The following HUWE1 variants were observed in gnomAD, a reference collection of about 807,000 sequenced individuals.
HUWE1 encodes the protein E3 ubiquitin-protein ligase HUWE1.
A neutral mutation model predicts 299.4 loss-of-function variants in HUWE1; 18 were observed. The observed-to-expected ratio is 0.06, with a 90% CI of 0.04 to 0.09. HUWE1 has a LOEUF of 0.09. Among genes scored for constraint, HUWE1 ranks in the 10% least tolerant of loss-of-function variants. The probability of loss-of-function intolerance (pLI) is 1.00; values close to 1 mark genes in which losing one functional copy is unlikely to be tolerated. For synonymous variants in HUWE1, 1,317 were observed against 1,286.1 expected (o/e 1.02, Z -0.51); for missense variants, 1,832 against 3,462.3 (o/e 0.53, Z 11.82).
chrX:53,538,058 G>A (rs1422370626), intron 77 of HUWE1, among the ~76,000 whole-genome samples: 9 of 111,779 alleles, frequency 8.1e-5, no homozygotes, highest in African/African-American at 2.9e-4. Flanking sequence ...TGTGCCTCCT[G>A]TACTACCCCC....
At chrX:53,630,838 A>G in intron 12 of HUWE1, 97 bp downstream of exon 12, 8 of 548,197 alleles carry the variant, frequency 1.5e-5, no homozygotes, top group Admixed American at 2.5e-5. Flanking sequence ...CTAGGTAACT[A>G]TAATAGGACT....
At chrX:53,550,523 C>A (rs782076620) in intron 66 of HUWE1, 143 bp downstream of exon 66, 40 of 560,646 alleles carry the variant, frequency 7.1e-5, no homozygotes, top group Admixed American at 5.5e-4. Flanking sequence ...AAAGATCTGG[C>A]TCTCTCACTT....
Position 53,615,822 on chromosome X carries a change from G to A in HUWE1, c.1971C>T (p.Ser657=). The A allele has an allele frequency of 8.3e-7, 1 of 1,203,936 alleles. No homozygotes were observed. Among genetic ancestry groups the A allele is most frequent in the Non-Finnish European group, 1.1e-6 (1 of 888,638 alleles). The change falls in exon 22 of 84, where the codon TCC becomes TCT. Residue 657 remains serine, a synonymous_variant. Coordinates refer to ENST00000262854, the MANE Select transcript of HUWE1 (RefSeq NM_031407.7). ...RSSDPLGDTA[S]NLGSAVDELM... ...GCTCATCGACAGCACTCCCCAGGTT[G>A]GATGCAGTATCCCCTTAAGGCAAAA...
intron 43 of HUWE1, chrX:53,579,857 C>T (rs1470295632): frequency 2.0e-5 from 2 of 98,432 alleles, no homozygotes; most frequent in African/African-American, 7.4e-5. Flanking sequence ...GACCTTTGTT[C>T]ACTTGTTTAT....
rs1490666133 is a variant in HUWE1, at chrX:53,603,267, T to C, written c.2876+101A>G. On this transcript the variant is annotated intron_variant, in intron 27 of 83. Transcript: ENST00000262854. ...GGGAAGAGGGAAGGACAAGGAGGCC[T>C]CTGAACTCTCTTCCATACCCTCCTA... 1.1e-5 allele frequency: 9 copies of C among 846,715 alleles called. No homozygotes were observed. In the African/African-American group the frequency reaches 1.6e-4, roughly 15 times the overall value. 69.8% of individuals were successfully genotyped at this position (846,715 alleles called of 1,213,427 possible).
At chrX:53,559,328 C>T in intron 57 of HUWE1, 26 bp downstream of exon 57, 1 of 1,195,110 alleles carries the variant, frequency 8.4e-7, no homozygotes, top group Middle Eastern at 2.3e-4. Flanking sequence ...ACAAATTCTA[C>T]CCTCCCTTTC....
At chrX:53,552,530 G>A in intron 62 of HUWE1, 89 bp from the exon 63 acceptor site, 4 of 1,200,286 alleles carry the variant, frequency 3.3e-6, no homozygotes, top group Non-Finnish European at 4.5e-6. Flanking sequence ...ACAGAAACCA[G>A]CTTTATCTCC....
intron 28 of HUWE1, among the ~76,000 whole-genome samples, chrX:53,600,730 T>C (rs782433414): frequency 5.3e-5 from 6 of 112,686 alleles, no homozygotes; most frequent in Non-Finnish European, 1.9e-5. Context: ...TTAAGAATTA[T>C]GTATATGAAT....
chrX:53,656,708 G>T (rs1271870245), intron 3 of HUWE1, among the ~76,000 whole-genome samples: 2 of 110,838 alleles, frequency 1.8e-5, no homozygotes, highest in Non-Finnish European at 3.8e-5. Context: ...TTATTCTAAA[G>T]TGTATATGTT....
At chrX:53,643,747 G>T (rs1193509723) in intron 7 of HUWE1, among the ~76,000 whole-genome samples, 1 of 112,167 alleles carries the variant, frequency 8.9e-6, no homozygotes, top group African/African-American at 3.2e-5. Context: ...GCTTTTACTA[G>T]TTATAATAAT....
intron 43 of HUWE1, among the ~76,000 whole-genome samples, chrX:53,577,322 A>G (rs782160063): frequency 1.8e-5 from 2 of 110,203 alleles, no homozygotes; most frequent in African/African-American, 6.6e-5. Context: ...TTGTTAATTC[A>G]ACAAACCTCA....
At position 53,654,255 on chromosome X, in the gene HUWE1, T is replaced by C. The variant is rs190098084; in HGVS notation, c.-24-124A>G. ...AATGCTTAAAGTAAAAACACTGGAG[T>C]TATGATGCTATGCCAACTCAGAGGC... On this transcript the variant is annotated intron_variant, in intron 3 of 83. Transcript: ENST00000262854. 2,134 of 495,540 alleles carry C rather than the reference T, an allele frequency of 4.3e-3. 8 individuals are homozygous for C. The highest frequency in any genetic ancestry group is 5.6e-3 in the Middle Eastern group (12 of 2,147). The allele number at this position is 495,540 out of a possible 1,213,427, so 40.8% of individuals were successfully genotyped here.
rs190602472 is a variant in HUWE1 at position 53,623,626 on chromosome X, T to A, written c.1672+969A>T. Reference sequence around the variant, plus strand: ...TTTCTATCCAGCACTGTATCAGAAATCTTTGCTAATGTCATAAGACAAAAA... The same window carrying A: ...TTTCTATCCAGCACTGTATCAGAAAACTTTGCTAATGTCATAAGACAAAAA... On this transcript the variant is annotated intron_variant, in intron 19 of 83. Transcript: ENST00000262854. Among the ~76,000 whole-genome samples the A allele has an allele frequency of 1.3e-4, 15 of 111,674 alleles. No individual in the cohort carries two copies. The East Asian group carries it at 3.4e-3, about 25-fold the overall frequency.
intron 26 of HUWE1, among the ~76,000 whole-genome samples, chrX:53,603,968 T>C (rs1422885434): frequency 8.9e-6 from 1 of 112,217 alleles, no homozygotes; most frequent in Non-Finnish European, 1.9e-5. Context: ...TAATTTAATT[T>C]TCTAAATCCT....
intron 3 of HUWE1, among the ~76,000 whole-genome samples, chrX:53,667,504 T>C (rs1557048021): frequency 9.1e-6 from 1 of 109,419 alleles, no homozygotes; most frequent in Non-Finnish European, 1.9e-5. Context: ...GCCCGTTTTA[T>C]AATAAATGTT....
intron 23 of HUWE1, among the ~76,000 whole-genome samples, chrX:53,610,890 A>G (rs1372021057): frequency 2.7e-5 from 3 of 111,710 alleles, no homozygotes; most frequent in Non-Finnish European, 5.6e-5. Flanking sequence ...AATGCAATCA[A>G]CCACAAAGTG....
intron 2 of HUWE1, chrX:53,680,640 T>C (rs1222402863): frequency 8.9e-6 from 1 of 112,276 alleles, no homozygotes; most frequent in Non-Finnish European, 1.9e-5. Context: ...CATTGAACCT[T>C]AGACAAAGTT....
At chrX:53,556,268 T>C (rs1556934660) in intron 60 of HUWE1, 1 of 345,368 alleles carries the variant, frequency 2.9e-6, no homozygotes, top group Non-Finnish European at 5.8e-6. Flanking sequence ...TATAGTTATC[T>C]TCTAATTGGG....
At chrX:53,593,632 T>C (rs1239679741) in intron 31 of HUWE1, 31 bp from the exon 32 acceptor site, 11 of 1,102,253 alleles carry the variant, frequency 1.0e-5, no homozygotes, top group African/African-American at 1.8e-5. Flanking sequence ...GTAGACAGAA[T>C]ATTAGTATTT....
Sources: allele counts gnomAD v4.1 joint callset (sites outside exome capture counted in the v4.1 genomes callset), GRCh38; gene constraint gnomAD v4.1.1; transcripts MANE v1.5; gene names NCBI Gene and HGNC (gene_info 2026-07-23, HGNC 2026-07-21).